AGBL4: variants seen among roughly 807,000 people sequenced by gnomAD.
AGBL4 encodes AGBL carboxypeptidase 4, also known as cytosolic carboxypeptidase 6.
Under a neutral mutation model 66.4 loss-of-function variants are expected in AGBL4, and 58 were observed. The observed-to-expected ratio is 0.87, with a 90% confidence interval of 0.71 to 1.09. The LOEUF (loss-of-function observed/expected upper bound fraction) is 1.09, where lower values mean the gene tolerates loss of function less well. Among genes scored for constraint, AGBL4 ranks in the 50% least tolerant of loss-of-function variants. The pLI is 0.00. For missense variants in AGBL4, 579 were observed against 631.0 expected (o/e 0.92, Z 0.88); for synonymous variants, 234 against 222.9 (o/e 1.05, Z -0.44).
intron 5 of AGBL4, among the ~76,000 whole-genome samples, chr1:48,908,393 A>G (rs1652814364): frequency 6.6e-6 from 1 of 152,234 alleles, no homozygotes; most frequent in African/African-American, 2.4e-5. Context: ...TCTCATGCCA[A>G]GACTCTAATT....
chr1:48,770,025 T>C (rs1644733897), intron 6 of AGBL4, among the ~76,000 whole-genome samples: 1 of 152,130 alleles, frequency 6.6e-6, no homozygotes, highest in African/African-American at 2.4e-5. Flanking sequence ...CCTGACCTGC[T>C]TGCCACCTTT....
intron 3 of AGBL4, among the ~76,000 whole-genome samples, chr1:49,425,877 T>G (rs1043672162): frequency 1.3e-5 from 2 of 152,178 alleles, no homozygotes; most frequent in South Asian, 2.1e-4. Flanking sequence ...TGAATCCAGC[T>G]TTTTTCACAA....
chr1:49,509,144 T>G (rs1648965776), intron 3 of AGBL4, among the ~76,000 whole-genome samples: 1 of 151,722 alleles, frequency 6.6e-6, no homozygotes, highest in Admixed American at 6.6e-5. Context: ...AAAGAAAGCT[T>G]CCTAGAGAGG....
At chr1:49,643,932 A>G (rs1410784081) in intron 3 of AGBL4, among the ~76,000 whole-genome samples, 1 of 151,676 alleles carries the variant, frequency 6.6e-6, no homozygotes, top group African/African-American at 2.4e-5. Flanking sequence ...AATATAAAAG[A>G]CTTTTTCCTT....
intron 4 of AGBL4, among the ~76,000 whole-genome samples, chr1:49,080,479 T>C (rs1289229393): frequency 6.6e-6 from 1 of 152,016 alleles, no homozygotes; most frequent in African/African-American, 2.4e-5. Flanking sequence ...AATGAAGAAA[T>C]GAATACCCCA....
chr1:48,843,561 A>G (rs1261007575), intron 6 of AGBL4, among the ~76,000 whole-genome samples: 1 of 152,178 alleles, frequency 6.6e-6, no homozygotes, highest in African/African-American at 2.4e-5. Context: ...CTTATGACAT[A>G]TACAATTATA....
At chr1:49,737,861 G>A (rs1049286120) in intron 2 of AGBL4, among the ~76,000 whole-genome samples, 6 of 152,172 alleles carry the variant, frequency 3.9e-5, no homozygotes, top group African/African-American at 1.4e-4. Flanking sequence ...GGCCGAATAG[G>A]AATAGCTCCA....
chr1:49,111,836 T>C (rs533058123), intron 4 of AGBL4, among the ~76,000 whole-genome samples: 6 of 152,352 alleles, frequency 3.9e-5, no homozygotes, highest in African/African-American at 1.2e-4. Flanking sequence ...TTAGATAATG[T>C]TCAATAAACT....
chr1:49,849,393 T>TTTATGATTA (rs1553133690), intron 2 of AGBL4, among the ~76,000 whole-genome samples: 1 of 130,080 alleles, frequency 7.7e-6, no homozygotes, highest in African/African-American at 2.7e-5. Flanking sequence ...ATTCATCTAA[T>TTTATGATTA]TTATTATTAT....
chr1:48,995,416 G>A (rs1200779392), intron 5 of AGBL4, among the ~76,000 whole-genome samples: 2 of 152,168 alleles, frequency 1.3e-5, no homozygotes, highest in South Asian at 4.1e-4. Context: ...TTTACTAAGT[G>A]CTGGGCATTA....
At chr1:49,301,399 C>T (rs1215689318) in intron 3 of AGBL4, among the ~76,000 whole-genome samples, 1 of 152,188 alleles carries the variant, frequency 6.6e-6, no homozygotes. Flanking sequence ...GTGGGCTTAA[C>T]TAACTATGGG....
chr1:49,061,790 T>C (rs1644407522), intron 4 of AGBL4, among the ~76,000 whole-genome samples: 1 of 152,186 alleles, frequency 6.6e-6, no homozygotes, highest in African/African-American at 2.4e-5. Flanking sequence ...AGCCTTCATC[T>C]TGTTGGCAGA....
At chr1:48,797,879 T>C (rs1470518157) in intron 6 of AGBL4, among the ~76,000 whole-genome samples, 1 of 152,212 alleles carries the variant, frequency 6.6e-6, no homozygotes, top group Non-Finnish European at 1.5e-5. Context: ...CACTCATTGG[T>C]TGATGAGAAT....
chr1:48,656,069 CTCT>C (rs1178811822), intron 7 of AGBL4, among the ~76,000 whole-genome samples: 3 of 152,190 alleles, frequency 2.0e-5, no homozygotes, highest in Non-Finnish European at 1.5e-5. Context: ...TTGCCAGGTC[CTCT>C]TCTTCAAGCT....
chr1:49,539,075 CA>C (rs1483884585), intron 3 of AGBL4, among the ~76,000 whole-genome samples: 1 of 151,862 alleles, frequency 6.6e-6, no homozygotes, highest in East Asian at 1.9e-4. Context: ...TCTCCAGTTA[CA>C]ATACTATATA....
intron 3 of AGBL4, among the ~76,000 whole-genome samples, chr1:49,285,453 T>C (rs1329263135): frequency 6.6e-6 from 1 of 151,588 alleles, no homozygotes; most frequent in African/African-American, 2.4e-5. Context: ...AGATCACAAT[T>C]AAAAGAACTA....
intron 4 of AGBL4, among the ~76,000 whole-genome samples, chr1:49,222,312 G>C (rs1284266636): frequency 2.0e-5 from 3 of 149,914 alleles, no homozygotes; most frequent in Non-Finnish European, 4.4e-5. Flanking sequence ...TAGAAAAACA[G>C]GTCAAAACTA....
intron 3 of AGBL4, among the ~76,000 whole-genome samples, chr1:49,340,175 C>G (rs1645510212): frequency 6.8e-6 from 1 of 146,366 alleles, no homozygotes; most frequent in Non-Finnish European, 1.5e-5. Flanking sequence ...TGTGACCATT[C>G]TAAGCCTGGC....
the AGBL4 span, among the ~76,000 whole-genome samples, chr1:48,522,585 T>C: frequency 6.6e-6 from 1 of 152,192 alleles, no homozygotes; most frequent in Non-Finnish European, 1.5e-5. Context: ...TGGTGCCTAC[T>C]GCACGGTGAT....
Sources: gnomAD v4.1 joint callset for allele counts (sites outside exome capture counted in the v4.1 genomes callset) on GRCh38, gnomAD v4.1.1 for gene constraint, MANE v1.5 for transcripts, NCBI Gene and HGNC (gene_info 2026-07-23, HGNC 2026-07-21) for gene names.